Variants in PDGFD observed in about 807,000 individuals in gnomAD.
PDGFD encodes platelet-derived growth factor D.
A neutral mutation model predicts 44.7 loss-of-function variants in PDGFD; 30 were observed. The ratio of observed to expected loss-of-function variants is 0.67; its 90% confidence interval spans 0.50 to 0.91. PDGFD has a LOEUF of 0.91. PDGFD is among the 40% of genes least tolerant of loss of function. PDGFD has a pLI of 0.00. For missense variants in PDGFD, 445 were observed against 457.8 expected (o/e 0.97, Z 0.25); for synonymous variants, 173 against 168.4 (o/e 1.03, Z -0.21).
At position 104,049,786 on chromosome 11, in the gene PDGFD, A is replaced by T. The variant is rs765314202; in HGVS notation, c.125-49531T>A. On this transcript the variant is annotated intron_variant, in intron 1 of 6. Coordinates refer to ENST00000393158, the MANE Select transcript of PDGFD (RefSeq NM_025208.5). Reference sequence around the variant, plus strand: ...TGTCAAATCTGGCTGGGAGTTTAGGATGAGGTCTGAGAATTGATGGATTTG... The same window carrying T: ...TGTCAAATCTGGCTGGGAGTTTAGGTTGAGGTCTGAGAATTGATGGATTTG... Among the ~76,000 whole-genome samples, 8 of 152,138 alleles carry T rather than the reference A, an allele frequency of 5.3e-5. No homozygotes were observed. The South Asian group carries it at 1.0e-3, about 20-fold the overall frequency.
intron 3 of PDGFD, among the ~76,000 whole-genome samples, chr11:103,960,611 A>T (rs1858920872): frequency 6.6e-6 from 1 of 152,030 alleles, no homozygotes. Context: ...CTAATGTCCT[A>T]CTCTTGTCAT....
chr11:104,084,586 T>C (rs1214473415), intron 1 of PDGFD, among the ~76,000 whole-genome samples: 1 of 148,860 alleles, frequency 6.7e-6, no homozygotes, highest in Non-Finnish European at 1.5e-5. Context: ...CTTTACACAC[T>C]CTTTTTTTAA....
intron 1 of PDGFD, among the ~76,000 whole-genome samples, chr11:104,161,707 C>T (rs535160362): frequency 3.3e-5 from 5 of 152,294 alleles, no homozygotes; most frequent in Admixed American, 1.3e-4. Context: ...TGTGTTCACC[C>T]TCTAAGATCT....
At chr11:104,052,046 C>A (rs1306313484) in intron 1 of PDGFD, among the ~76,000 whole-genome samples, 1 of 152,048 alleles carries the variant, frequency 6.6e-6, no homozygotes, top group East Asian at 1.9e-4. Flanking sequence ...CCCTGGCAAC[C>A]AACAGTCTGT....
At chr11:104,005,322 A>G (rs2134370456) in intron 1 of PDGFD, among the ~76,000 whole-genome samples, 1 of 152,350 alleles carries the variant, frequency 6.6e-6, no homozygotes, top group African/African-American at 2.4e-5. Context: ...CCACTGTACT[A>G]TAGAAAGTGT....
In PDGFD at chr11:104,098,834, C is replaced by T. The variant is rs1383989665; in HGVS notation, c.124+64970G>A. Among the ~76,000 whole-genome samples the T allele has an allele frequency of 4.6e-5, 7 of 151,824 alleles. No individual in the cohort carries two copies. In the South Asian group the frequency reaches 1.2e-3, roughly 27 times the overall value. On this transcript the variant is annotated intron_variant, in intron 1 of 6. Coordinates refer to ENST00000393158, the MANE Select transcript of PDGFD (RefSeq NM_025208.5). ...TTTTCTTATTTGTATTCGCTAAATA[C>T]AAAAAGGAAGAAAAATGCACAATGT...
At chr11:104,067,953 A>T (rs181346648) in intron 1 of PDGFD, among the ~76,000 whole-genome samples, 1,744 of 152,286 alleles carry the variant, frequency 0.011, 25 homozygotes, top group Non-Finnish European at 0.015. Context: ...TGCAGGGAAG[A>T]AAGAATTATA....
chr11:104,035,784 A>C (rs1045249345), intron 1 of PDGFD, among the ~76,000 whole-genome samples: 1 of 152,092 alleles, frequency 6.6e-6, no homozygotes, highest in Non-Finnish European at 1.5e-5. Context: ...CTTTTGTAAC[A>C]TGAAACTGCT....
intron 1 of PDGFD, among the ~76,000 whole-genome samples, chr11:104,010,722 C>A (rs1859772270): frequency 6.6e-6 from 1 of 151,924 alleles, no homozygotes; most frequent in South Asian, 2.1e-4. Flanking sequence ...ATTCTCTTTT[C>A]TTCTATGGTA....
At chr11:104,090,754 T>TAC (rs376559553) in intron 1 of PDGFD, among the ~76,000 whole-genome samples, 6 of 150,952 alleles carry the variant, frequency 4.0e-5, no homozygotes, top group Admixed American at 1.3e-4. Flanking sequence ...AATAGAGAAA[T>TAC]AGCAAAATGG....
At chr11:104,051,936 G>T (rs1055007042) in intron 1 of PDGFD, among the ~76,000 whole-genome samples, 1 of 152,052 alleles carries the variant, frequency 6.6e-6, no homozygotes, top group African/African-American at 2.4e-5. Context: ...ACAACGTTTT[G>T]CAACCACTAT....
chr11:104,037,575 T>C (rs748288073), intron 1 of PDGFD: 4 of 1,614,056 alleles, frequency 2.5e-6, no homozygotes, highest in African/African-American at 1.3e-5. Context: ...GCAAAGTGAA[T>C]GGGCATCCTT....
At chr11:104,150,290 A>G (rs916845879) in intron 1 of PDGFD, among the ~76,000 whole-genome samples, 2 of 152,148 alleles carry the variant, frequency 1.3e-5, no homozygotes, top group African/African-American at 4.8e-5. Flanking sequence ...CAAGCCAAAA[A>G]TCTCAATCTT....
chr11:104,087,917 A>G (rs1449613805), intron 1 of PDGFD, among the ~76,000 whole-genome samples: 1 of 152,244 alleles, frequency 6.6e-6, no homozygotes, highest in African/African-American at 2.4e-5. Flanking sequence ...CTCTGTGGCC[A>G]GTCATACTGA....
At chr11:104,034,980 A>C (rs1860199509) in intron 1 of PDGFD, among the ~76,000 whole-genome samples, 1 of 152,170 alleles carries the variant, frequency 6.6e-6, no homozygotes, top group Non-Finnish European at 1.5e-5. Context: ...AATAACTGGC[A>C]TGCAAGGATT....
chr11:103,952,077 T>C (rs558681434), intron 3 of PDGFD, among the ~76,000 whole-genome samples: 78 of 152,310 alleles, frequency 5.1e-4, no homozygotes, highest in Admixed American at 1.7e-3. Flanking sequence ...CCATTCTGAC[T>C]GGTTGGTCCC....
chr11:104,015,159 A>T (rs1040930386), intron 1 of PDGFD, among the ~76,000 whole-genome samples: 2 of 152,232 alleles, frequency 1.3e-5, no homozygotes, highest in Non-Finnish European at 2.9e-5. Context: ...TCATAAACCA[A>T]GAATACTTGC....
chr11:104,044,769 T>C (rs1860413016), intron 1 of PDGFD, among the ~76,000 whole-genome samples: 1 of 152,194 alleles, frequency 6.6e-6, no homozygotes, highest in South Asian at 2.1e-4. Flanking sequence ...CCGGGCGTGG[T>C]GGCTCACCCC....
intron 1 of PDGFD, among the ~76,000 whole-genome samples, chr11:104,108,054 A>G (rs1861495495): frequency 6.6e-6 from 1 of 152,164 alleles, no homozygotes; most frequent in African/African-American, 2.4e-5. Flanking sequence ...CAAGTTTGCA[A>G]TCAACAAGGC....
Sources: gnomAD v4.1 joint callset for allele counts (sites outside exome capture counted in the v4.1 genomes callset) on GRCh38, gnomAD v4.1.1 for gene constraint, MANE v1.5 for transcripts, NCBI Gene and HGNC (gene_info 2026-07-23, HGNC 2026-07-21) for gene names.